The following CFAP161 variants were observed in gnomAD, a reference collection of about 807,000 sequenced individuals.
CFAP161 encodes cilia- and flagella-associated protein 161.
In CFAP161, 25 loss-of-function variants were observed where a neutral mutation model predicts 29.0. The ratio of observed to expected loss-of-function variants is 0.86; its 90% CI spans 0.63 to 1.20. The LOEUF is 1.20. Ranked by LOEUF, CFAP161 falls within the 50% of genes most tolerant of loss-of-function variation. The pLI, the probability that CFAP161 is intolerant of heterozygous loss-of-function variation, is 0.00. For missense variants in CFAP161, 367 were observed against 371.9 expected (o/e 0.99, Z 0.11); for synonymous variants, 116 against 137.4 (o/e 0.84, Z 1.09).
At chr15:81,135,831 G>A (rs1279855607) in intron 2 of CFAP161, among the ~76,000 whole-genome samples, 1 of 152,164 alleles carries the variant, frequency 6.6e-6, no homozygotes, top group Non-Finnish European at 1.5e-5. Context: ...TGGTGGGACT[G>A]TAAACTAGTT....
chr15:81,135,432 G>C, intron 2 of CFAP161, 73 bp downstream of exon 2: 1 of 955,058 alleles, frequency 1.0e-6, no homozygotes, highest in South Asian at 1.6e-5. Context: ...TGTTACATAT[G>C]TATACATATG....
upstream of CFAP161, among the ~76,000 whole-genome samples, chr15:81,133,206 TATATATATATATATATA>T (rs1268449872): frequency 0.015 from 1,021 of 68,726 alleles, 50 homozygotes; most frequent in African/African-American, 0.035. Flanking sequence ...TATATATATA[TATATATATATATATATA>T]TGTATTTTTT....
upstream of CFAP161, among the ~76,000 whole-genome samples, chr15:81,130,573 G>A (rs541722507): frequency 1.4e-3 from 212 of 152,280 alleles, 2 homozygotes; most frequent in Admixed American, 3.1e-3. Flanking sequence ...GGTGGCATGC[G>A]CCTGTAGTCT....
chr15:81,138,049 A>G lies in CFAP161; in HGVS notation c.393-2A>G. On this transcript the variant is annotated splice_acceptor_variant, in intron 3 of 6. Transcript: ENST00000286732. LOFTEE classifies it high-confidence loss of function. ...TACATTATACTTATTGTCCACTGAC[A>G]GTGTACACAGAGATGCCACTGGTCA... 3 of 1,595,170 alleles carry G rather than the reference A, an allele frequency of 1.9e-6. No individual in the cohort carries two copies. Among genetic ancestry groups the G allele is most frequent in the Non-Finnish European group, 2.6e-6 (3 of 1,162,926 alleles).
At chr15:81,134,256 C>T, upstream of CFAP161, 5 of 1,520,220 alleles carry the variant, frequency 3.3e-6, no homozygotes, top group Non-Finnish European at 4.5e-6. Flanking sequence ...CGCCTGGGGC[C>T]GGGTCGTCAT....
chr15:81,122,674 T>G (rs1894589854), intron 1 of CFAP161, among the ~76,000 whole-genome samples: 1 of 152,020 alleles, frequency 6.6e-6, no homozygotes, highest in African/African-American at 2.4e-5. Flanking sequence ...GTATTTTTAA[T>G]AGAGACAGGG....
At chr15:81,133,227 A>ATT (rs111496841), upstream of CFAP161, among the ~76,000 whole-genome samples, 12 of 50,386 alleles carry the variant, frequency 2.4e-4, 1 homozygote, top group Non-Finnish European at 4.2e-4. Context: ...ATATATATGT[A>ATT]TTTTTTTTTA....
At chr15:81,100,675 C>T (rs897088923) in intron 1 of CFAP161, among the ~76,000 whole-genome samples, 1 of 150,220 alleles carries the variant, frequency 6.7e-6, no homozygotes, top group Non-Finnish European at 1.5e-5. Context: ...TTTAAGTTGG[C>T]CAGGTATTTC....
At chr15:81,138,655 G>A (rs1238472873) in intron 4 of CFAP161, among the ~76,000 whole-genome samples, 4 of 152,130 alleles carry the variant, frequency 2.6e-5, no homozygotes, top group African/African-American at 7.2e-5. Flanking sequence ...TTTCAGGTGC[G>A]TACCTATGGG....
chr15:81,146,187 A>G (rs115173758), intron 5 of CFAP161, among the ~76,000 whole-genome samples: 2,124 of 152,302 alleles, frequency 0.014, 45 homozygotes, highest in African/African-American at 0.048. Flanking sequence ...TTCTGTTCCC[A>G]GGAGAACACT....
At chr15:81,138,005 A>T in intron 3 of CFAP161, 46 bp from the exon 4 acceptor site, 1 of 1,410,390 alleles carries the variant, frequency 7.1e-7, no homozygotes, top group Non-Finnish European at 1.0e-6. Context: ...GAATGATTCT[A>T]ATACAGAGAG....
intron 4 of CFAP161, among the ~76,000 whole-genome samples, chr15:81,140,096 T>C (rs1238837622): frequency 6.6e-6 from 1 of 152,150 alleles, no homozygotes; most frequent in Non-Finnish European, 1.5e-5. Context: ...ATCATCCGTT[T>C]TTTGCCTTTG....
chr15:81,125,599 A>C (rs1167704269), intron 1 of CFAP161, among the ~76,000 whole-genome samples: 2 of 152,216 alleles, frequency 1.3e-5, no homozygotes, highest in Non-Finnish European at 2.9e-5. Flanking sequence ...TTATTTACTA[A>C]AGGTTTACTT....
Position 81,148,552 on chromosome 15 carries a change from G to C in CFAP161, c.*19G>C. On this transcript the variant is annotated 3_prime_UTR_variant, in exon 7 of 7. Transcript: ENST00000286732. ...GCAGTAACACGCCAGGCACGTGCAT[G>C]TTTTCCCTGGTCCCGCTCTCATCAA... The C allele has an allele frequency of 6.2e-7, 1 of 1,601,770 alleles. No homozygotes were observed. Among genetic ancestry groups the C allele is most frequent in the Non-Finnish European group, 8.5e-7 (1 of 1,169,990 alleles).
At chr15:81,137,424 A>G (rs1257389003) in intron 3 of CFAP161, among the ~76,000 whole-genome samples, 2 of 151,262 alleles carry the variant, frequency 1.3e-5, no homozygotes, top group South Asian at 2.1e-4. Context: ...TCGAAACCCC[A>G]TCTCTACAAA....
At chr15:81,134,119 A>G, upstream of CFAP161, 1 of 555,754 alleles carries the variant, frequency 1.8e-6, no homozygotes, top group Non-Finnish European at 3.2e-6. Flanking sequence ...AAGGAAATCT[A>G]AGAGGTGGAA....
intron 5 of CFAP161, among the ~76,000 whole-genome samples, chr15:81,146,550 G>T (rs1895008900): frequency 6.6e-6 from 1 of 151,638 alleles, no homozygotes; most frequent in South Asian, 2.1e-4. Context: ...CTACAATAAT[G>T]TATTTCATCC....
At chr15:81,144,395 G>A (rs1252687361) in intron 5 of CFAP161, among the ~76,000 whole-genome samples, 1 of 152,168 alleles carries the variant, frequency 6.6e-6, no homozygotes, top group East Asian at 1.9e-4. Context: ...AGGAGTTCAA[G>A]ACCAGCCTGG....
intron 1 of CFAP161, among the ~76,000 whole-genome samples, chr15:81,108,196 TC>T (rs1894397701): frequency 6.6e-6 from 1 of 152,204 alleles, no homozygotes; most frequent in African/African-American, 2.4e-5. Context: ...TTGCATTGCT[TC>T]CAAACCTTTT....
Sources: gnomAD v4.1 joint callset for allele counts (sites outside exome capture counted in the v4.1 genomes callset) on GRCh38, gnomAD v4.1.1 for gene constraint, MANE v1.5 for transcripts, NCBI Gene and HGNC (gene_info 2026-07-23, HGNC 2026-07-21) for gene names.